GLCCI1: variants seen among roughly 807,000 people sequenced by gnomAD.
GLCCI1 encodes the protein glucocorticoid-induced transcript 1 protein.
GLCCI1 carries 24 observed loss-of-function variants against 52.2 expected under a neutral mutation model. The ratio of observed to expected loss-of-function variants is 0.46; its 90% CI spans 0.33 to 0.65. The LOEUF (loss-of-function observed/expected upper bound fraction) is 0.65. Among genes scored for constraint, GLCCI1 ranks in the 30% least tolerant of loss-of-function variants. The pLI, the probability that GLCCI1 is intolerant of heterozygous loss-of-function variation, is 0.02. For missense variants in GLCCI1, 704 were observed against 701.5 expected (o/e 1.00, Z -0.04); for synonymous variants, 310 against 276.5 (o/e 1.12, Z -1.20).
chr7:8,012,432 CTTTTTTTTTTTTTTTTTTT>C (rs71014746), intron 2 of GLCCI1, among the ~76,000 whole-genome samples: 2 of 70,396 alleles, frequency 2.8e-5, no homozygotes, highest in African/African-American at 5.7e-5. Flanking sequence ...CCTTTTTATT[CTTTTTTTTTTTTTTTTTTT>C]TTTTTTTTTT....
At chr7:8,027,823 C>T (rs1781656000) in intron 3 of GLCCI1, among the ~76,000 whole-genome samples, 1 of 152,144 alleles carries the variant, frequency 6.6e-6, no homozygotes, top group Non-Finnish European at 1.5e-5. Context: ...AGTTGCTATG[C>T]TTATGTCAGG....
At chr7:8,015,397 C>T (rs1181586769) in intron 2 of GLCCI1, among the ~76,000 whole-genome samples, 2 of 152,228 alleles carry the variant, frequency 1.3e-5, no homozygotes, top group Non-Finnish European at 2.9e-5. Context: ...ATTTAAGAAA[C>T]AGCAGTTGCT....
At chr7:7,996,299 A>C (rs1349256062) in intron 1 of GLCCI1, among the ~76,000 whole-genome samples, 1 of 152,178 alleles carries the variant, frequency 6.6e-6, no homozygotes, top group Non-Finnish European at 1.5e-5. Flanking sequence ...GAAATTTGTA[A>C]GGCTGATGAA....
chr7:8,030,076 A>C (rs1781711959), intron 3 of GLCCI1, among the ~76,000 whole-genome samples: 1 of 152,170 alleles, frequency 6.6e-6, no homozygotes. Context: ...CAAAAGACCC[A>C]GAATAGCCAA....
At chr7:7,987,645 T>C (rs998552549) in intron 1 of GLCCI1, among the ~76,000 whole-genome samples, 2 of 152,216 alleles carry the variant, frequency 1.3e-5, no homozygotes, top group Non-Finnish European at 2.9e-5. Flanking sequence ...TGGAGTGTAA[T>C]GGCATAATCA....
chr7:8,050,422 A>T (rs1782231169), intron 3 of GLCCI1, among the ~76,000 whole-genome samples: 1 of 152,168 alleles, frequency 6.6e-6, no homozygotes, highest in African/African-American at 2.4e-5. Context: ...TATAATATAT[A>T]AAATTTATAT....
rs145682662 is a variant in GLCCI1, at chr7:8,071,020, C to A, written c.1066C>A (p.Arg356Ser). The A allele has an allele frequency of 4.3e-6, 7 of 1,613,944 alleles. No individual in the cohort carries two copies. Among genetic ancestry groups the A allele is most frequent in the African/African-American group, 1.3e-5 (1 of 75,036 alleles). The change falls in exon 6 of 8, where the codon CGC becomes AGC. Residue 356 changes from arginine to serine, a missense_variant. Physicochemically the swap from Arg to Ser is moderately radical, Grantham distance 110. This residue lies in a region of GLCCI1 where 547 missense variants were observed against 524.8 expected (regional missense o/e 1.04). Transcript: ENST00000223145. ...CACTCAGACTCCTTCTGTCCAGGAG[C>A]GCAGCAGTAGCTGCAGCAGTCATTC... ...IDTQTPSVQE[R>S]SSSCSSHSPC...
chr7:8,085,118 A>G (rs1333087414), intron 7 of GLCCI1, 101 bp downstream of exon 7: 2 of 1,353,080 alleles, frequency 1.5e-6, no homozygotes, highest in African/African-American at 2.9e-5. Context: ...TCCAGCTGAT[A>G]ATGTGTTTCA....
At chr7:8,026,634 C>A (rs1298619473) in intron 3 of GLCCI1, among the ~76,000 whole-genome samples, 1 of 152,252 alleles carries the variant, frequency 6.6e-6, no homozygotes, top group Non-Finnish European at 1.5e-5. Context: ...AGCACAGCGA[C>A]TGGGGAACTT....
At chr7:8,001,856 A>G (rs1202586630) in intron 1 of GLCCI1, among the ~76,000 whole-genome samples, 1 of 152,180 alleles carries the variant, frequency 6.6e-6, no homozygotes, top group Non-Finnish European at 1.5e-5. Context: ...CGCAAGGACC[A>G]AACACTGCAT....
intron 6 of GLCCI1, among the ~76,000 whole-genome samples, chr7:8,082,576 A>G (rs917206482): frequency 7.2e-5 from 11 of 152,154 alleles, no homozygotes; most frequent in African/African-American, 2.7e-4. Context: ...TTTCCAGACC[A>G]TCTAACATTA....
chr7:7,975,142 T>C (rs575813302), intron 1 of GLCCI1, among the ~76,000 whole-genome samples: 3 of 152,308 alleles, frequency 2.0e-5, no homozygotes, highest in East Asian at 1.9e-4. Context: ...AGTTGACTCA[T>C]CATTTGGCTA....
intron 1 of GLCCI1, among the ~76,000 whole-genome samples, chr7:7,983,181 T>C (rs1780657247): frequency 6.7e-6 from 1 of 150,372 alleles, no homozygotes; most frequent in Non-Finnish European, 1.5e-5. Flanking sequence ...TATAGAACAC[T>C]GAAGAAAATC....
intron 3 of GLCCI1, among the ~76,000 whole-genome samples, chr7:8,032,169 G>A (rs1781767580): frequency 6.6e-6 from 1 of 151,928 alleles, no homozygotes; most frequent in Non-Finnish European, 1.5e-5. Context: ...GACAATTAAG[G>A]AACACTTTTC....
chr7:7,969,338 C>G lies in GLCCI1; in HGVS notation c.-13C>G, dbSNP rs1248234406. ...CGTGTCGGCCGGCGGCGTCCAGGGC[C>G]CGCAGAGCCACCATGTCCACTGCCT... On this transcript the variant is annotated 5_prime_UTR_variant, in exon 1 of 8. Coordinates refer to ENST00000223145, the MANE Select transcript of GLCCI1 (RefSeq NM_138426.4). This position sits in a 1 kb window ranked among gnomAD's most constrained non-coding sequence, Gnocchi z 4.9. 7 of 1,472,692 alleles carry G rather than the reference C, an allele frequency of 4.8e-6. No homozygotes were observed. Among genetic ancestry groups the G allele is most frequent in the Non-Finnish European group, 6.3e-6 (7 of 1,112,558 alleles). 91.2% of individuals were successfully genotyped at this position (1,472,692 alleles called of 1,614,324 possible). A position where few individuals can be genotyped will look rare whatever the true frequency, so the allele number is the denominator to read the frequency against.
At chr7:8,059,981 A>C in intron 4 of GLCCI1, 115 bp from the exon 5 acceptor site, 1 of 869,504 alleles carries the variant, frequency 1.2e-6, no homozygotes, top group Non-Finnish European at 1.7e-6. Context: ...ATTGTATTTG[A>C]AAGGTCAGAA....
At chr7:8,081,159 G>A (rs1354786979) in intron 6 of GLCCI1, among the ~76,000 whole-genome samples, 1 of 152,014 alleles carries the variant, frequency 6.6e-6, no homozygotes, top group East Asian at 1.9e-4. Context: ...TTCAGATATG[G>A]CTGTGCTTCA....
chr7:8,035,056 C>T (rs748703094), intron 3 of GLCCI1, among the ~76,000 whole-genome samples: 1 of 152,140 alleles, frequency 6.6e-6, no homozygotes. Context: ...CCTTGTGTCT[C>T]GACATCACTG....
chr7:8,061,177 G>T (rs1034535470), intron 5 of GLCCI1, among the ~76,000 whole-genome samples: 3 of 149,782 alleles, frequency 2.0e-5, no homozygotes, highest in Non-Finnish European at 4.4e-5. Flanking sequence ...TCGGCTCACT[G>T]CAAGCTCTGC....
Sources: allele counts gnomAD v4.1 joint callset (sites outside exome capture counted in the v4.1 genomes callset), GRCh38; gene constraint gnomAD v4.1.1; regional missense constraint gnomAD v4.1.1; non-coding constraint Gnocchi (gnomAD v3.1); transcripts MANE v1.5; gene names NCBI Gene and HGNC (gene_info 2026-07-23, HGNC 2026-07-21).